Variants in CACNA1G observed in about 807,000 individuals in gnomAD.
CACNA1G encodes the protein calcium voltage-gated channel subunit alpha1 G.
In CACNA1G, 67 loss-of-function variants were observed where a neutral mutation model predicts 219.4. The ratio of observed to expected loss-of-function variants is 0.31; its 90% CI spans 0.25 to 0.37. CACNA1G has a LOEUF of 0.37. Ranked by LOEUF, CACNA1G falls within the 10% of genes least tolerant of loss-of-function variation. The pLI is 1.00. For synonymous variants in CACNA1G, 1,296 were observed against 1,345.3 expected (o/e 0.96, Z 0.80); for missense variants, 2,380 against 3,231.4 (o/e 0.74, Z 6.39).
rs530856188 is a variant in CACNA1G, at chr17:50,596,018, G to C, written c.2980-544G>C. On this transcript the variant is annotated intron_variant, in intron 14 of 37. Transcript: ENST00000359106. This position sits in a 1 kb window ranked among gnomAD's most constrained non-coding sequence, Gnocchi z 4.8. Reference sequence around the variant, plus strand: ...AGGTAAAAATGGGGCCAGGGAGGGGGCCGGGACTTGGGGAAGATGAAGGGA... The same window carrying C: ...AGGTAAAAATGGGGCCAGGGAGGGGCCCGGGACTTGGGGAAGATGAAGGGA... Among the ~76,000 whole-genome samples, 155 of 152,328 alleles carry C rather than the reference G, an allele frequency of 1.0e-3. No homozygotes were observed. Among genetic ancestry groups the C allele is most frequent in the African/African-American group, 3.4e-3 (141 of 41,558 alleles).
chr17:50,626,963 A>G lies in CACNA1G; in HGVS notation c.*212A>G. On this transcript the variant is annotated 3_prime_UTR_variant, in exon 38 of 38. Transcript: ENST00000359106. This position sits in a 1 kb window ranked among gnomAD's most constrained non-coding sequence, Gnocchi z 4.3. Reference sequence around the variant, plus strand: ...CAACTCTGGCTCCAGGCAGAAGGAGAGGCCCGGTGCAGCTGAGGTTCCCGA... The same window carrying G: ...CAACTCTGGCTCCAGGCAGAAGGAGGGGCCCGGTGCAGCTGAGGTTCCCGA... 4.2e-6 allele frequency: 3 copies of G among 706,766 alleles called. No homozygotes were observed. Among genetic ancestry groups the G allele is most frequent in the African/African-American group, 1.7e-5 (1 of 57,388 alleles). The allele number at this position is 706,766 out of a possible 1,614,324, so 43.8% of individuals were successfully genotyped here.
intron 36 of CACNA1G, 36 bp from the exon 37 acceptor site, chr17:50,624,324 T>TCCCCCCCCCCCCCCCCCCCCTTCCCC: frequency 1.7e-6 from 2 of 1,177,654 alleles, no homozygotes; most frequent in Admixed American, 2.1e-5. Context: ...CTCCATTCTC[T>TCCCCCCCCCCCCCCCCCCCCTTCCCC]CCCCCCACCC....
intron 19 of CACNA1G, among the ~76,000 whole-genome samples, chr17:50,601,451 C>T (rs943442382): frequency 1.3e-5 from 2 of 152,144 alleles, no homozygotes; most frequent in African/African-American, 4.8e-5. Context: ...GTGGGGCACA[C>T]GCGTGAGTCG....
chr17:50,624,474 C>A lies in CACNA1G; in HGVS notation c.6344C>A (p.Pro2115His). 6.2e-7 allele frequency: 1 copy of A among 1,600,996 alleles called. No homozygotes were observed. Among genetic ancestry groups the A allele is most frequent in the East Asian group, 2.3e-5 (1 of 44,148 alleles). The change falls in exon 37 of 38, where the codon CCC becomes CAC. Residue 2115 changes from proline to histidine, a missense_variant. Transcript: ENST00000359106. The part of the protein sequence containing the change: ...PHSAPTWGTI[P>H]KLPPPGRSPL... ...AGCGCCCCAACCTGGGGCACCATCCCCAAACTGCCCCCACCAGGACGCTCC... is the reference window on the plus strand; with the variant it reads ...AGCGCCCCAACCTGGGGCACCATCCACAAACTGCCCCCACCAGGACGCTCC...
rs531476875 is a variant in CACNA1G at position 50,567,624 on chromosome 17, C to T, written c.243-1246C>T. On this transcript the variant is annotated intron_variant, in intron 1 of 37. Coordinates refer to ENST00000359106, the MANE Select transcript of CACNA1G (RefSeq NM_018896.5). ...CATGCCAGGAGCTGCCACAATACCTCCCCCATCCCCATTCCCCAGGGGGTC... is the reference window on the plus strand; with the variant it reads ...CATGCCAGGAGCTGCCACAATACCTTCCCCATCCCCATTCCCCAGGGGGTC... Among the ~76,000 whole-genome samples, 96 of 152,246 alleles carry T rather than the reference C, an allele frequency of 6.3e-4. 1 individual carries two copies. Among genetic ancestry groups the T allele is most frequent in the African/African-American group, 2.2e-3 (90 of 41,544 alleles).
rs117564503 is a variant in CACNA1G at position 50,584,104 on chromosome 17, G to A, written c.2301+5540G>A. On this transcript the variant is annotated intron_variant, in intron 9 of 37. Transcript: ENST00000359106. The stretch of plus-strand genomic sequence containing the variant: ...CACCCGGGAAGGAGCAGGTTTGGGA[G>A]AGGAGGCGAGAGGGTTTGTTTTGGA... Among the ~76,000 whole-genome samples, 815 of 152,302 alleles carry A rather than the reference G, an allele frequency of 5.4e-3. 4 individuals carry two copies. The highest frequency in any genetic ancestry group is 0.027 in the Middle Eastern group (8 of 294).
intron 24 of CACNA1G, 180 bp downstream of exon 24, chr17:50,607,169 C>T (rs183723699): frequency 1.5e-6 from 1 of 665,486 alleles, no homozygotes; most frequent in Admixed American, 2.1e-5. Flanking sequence ...TGGTCTACAA[C>T]ATGTTTAACA....
At chr17:50,587,596 C>T (rs565070711) in intron 9 of CACNA1G, among the ~76,000 whole-genome samples, 21 of 152,306 alleles carry the variant, frequency 1.4e-4, no homozygotes, top group African/African-American at 4.3e-4. Flanking sequence ...GAGGGAATAC[C>T]GGGGCCCTGG....
chr17:50,600,698 T>C lies in CACNA1G; in HGVS notation c.3691-28T>C, dbSNP rs1160694511. The stretch of plus-strand genomic sequence containing the variant: ...GCCGGGGAACCTGGAGGCCTGGTCC[T>C]GCTCATACTCCAGTGTTTGTTCTGC... On this transcript the variant is annotated intron_variant, in intron 17 of 37. Transcript: ENST00000359106. The surrounding 1 kb of genome is among the most constrained non-coding windows in gnomAD (Gnocchi z 4.1). 6.2e-7 allele frequency: 1 copy of C among 1,601,530 alleles called. No individual in the cohort carries two copies. Among genetic ancestry groups the C allele is most frequent in the African/African-American group, 1.3e-5 (1 of 74,630 alleles).
intron 36 of CACNA1G, 36 bp from the exon 37 acceptor site, chr17:50,624,324 T>TCCCCCCCCCCCCCCCCCCCCTCC: frequency 8.5e-7 from 1 of 1,177,662 alleles, no homozygotes; most frequent in African/African-American, 1.6e-5. Flanking sequence ...CTCCATTCTC[T>TCCCCCCCCCCCCCCCCCCCCTCC]CCCCCCACCC....
chr17:50,565,383 G>GAA (rs72310815), intron 1 of CACNA1G, among the ~76,000 whole-genome samples: 1 of 75,668 alleles, frequency 1.3e-5, no homozygotes, highest in Non-Finnish European at 3.3e-5. Flanking sequence ...CTTGTGGGGT[G>GAA]GGGCGGGGGG....
At chr17:50,624,181 A>G (rs1483946143) in intron 36 of CACNA1G, 106 bp downstream of exon 36, 18 of 1,409,862 alleles carry the variant, frequency 1.3e-5, no homozygotes, top group Middle Eastern at 2.3e-4. Flanking sequence ...CCAAAGAGGT[A>G]TCTCTGACCT....
At position 50,571,763 on chromosome 17, in the gene CACNA1G, G is replaced by A. The variant is rs781598612; in HGVS notation, c.587-115G>A. On this transcript the variant is annotated intron_variant, in intron 4 of 37. Coordinates refer to ENST00000359106, the MANE Select transcript of CACNA1G (RefSeq NM_018896.5). This position sits in a 1 kb window ranked among gnomAD's most constrained non-coding sequence, Gnocchi z 4.3. Reference sequence around the variant, plus strand: ...GTTGGTCTCCCCTCCAGCTTGAGCCGGGCCGTCTCAGCCTCAGAGTCCCTG... The same window carrying A: ...GTTGGTCTCCCCTCCAGCTTGAGCCAGGCCGTCTCAGCCTCAGAGTCCCTG... 34 of 1,019,808 alleles carry A rather than the reference G, an allele frequency of 3.3e-5. No homozygotes were observed. The highest frequency in any genetic ancestry group is 6.1e-5 in the Admixed American group (3 of 49,470). The allele number at this position is 1,019,808 out of a possible 1,614,324, so 63.2% of individuals were successfully genotyped here.
At position 50,617,931 on chromosome 17, in the gene CACNA1G, T is replaced by C; in HGVS notation, c.5226+2T>C. On this transcript the variant is annotated splice_donor_variant, in intron 30 of 37. Coordinates refer to ENST00000359106, the MANE Select transcript of CACNA1G (RefSeq NM_018896.5). LOFTEE classifies it high-confidence loss of function. The surrounding 1 kb of genome is among the most constrained non-coding windows in gnomAD (Gnocchi z 5.8). ...ACGGTGATGCAGGCCCTGCCCCAGG[T>C]AGCCGGGAGGTGGGGGGCCTCTGGG... 2 of 1,613,552 alleles carry C rather than the reference T, an allele frequency of 1.2e-6. No homozygotes were observed. The highest frequency in any genetic ancestry group is 1.7e-6 in the Non-Finnish European group (2 of 1,179,770).
intron 36 of CACNA1G, 63 bp downstream of exon 36, chr17:50,624,138 G>A (rs2052995913): frequency 3.1e-5 from 49 of 1,562,868 alleles, no homozygotes; most frequent in Non-Finnish European, 8.7e-6. Flanking sequence ...GCCTAAGCCA[G>A]TCCTGATCTG....
chr17:50,594,177 C>T (rs1374131824), intron 13 of CACNA1G, among the ~76,000 whole-genome samples: 2 of 152,212 alleles, frequency 1.3e-5, no homozygotes, highest in Non-Finnish European at 2.9e-5. Flanking sequence ...ACACAGCCTG[C>T]TTGGCTGGTG....
chr17:50,580,190 G>A (rs532090845), intron 9 of CACNA1G, among the ~76,000 whole-genome samples: 1 of 152,290 alleles, frequency 6.6e-6, no homozygotes, highest in South Asian at 2.1e-4. Context: ...GGCTACGTGG[G>A]TGTGGGTGTG....
chr17:50,565,228 C>G (rs2037382964), intron 1 of CACNA1G, among the ~76,000 whole-genome samples: 1 of 152,208 alleles, frequency 6.6e-6, no homozygotes, highest in Admixed American at 6.5e-5. Context: ...GGCCGTCTCT[C>G]TTGTGTCTCT....
In CACNA1G at chr17:50,578,065, G is replaced by A. The variant is rs2041109062; in HGVS notation, c.1925-123G>A. ...ACATTCAGCACCCCTGGCCCACTAAGTGCCTAGCACCCCATCACTGTAACA... is the reference window on the plus strand; with the variant it reads ...ACATTCAGCACCCCTGGCCCACTAAATGCCTAGCACCCCATCACTGTAACA... On this transcript the variant is annotated intron_variant, in intron 8 of 37. Transcript: ENST00000359106. The surrounding 1 kb of genome is among the most constrained non-coding windows in gnomAD (Gnocchi z 4.5). The A allele has an allele frequency of 8.3e-7, 1 of 1,199,632 alleles. No individual in the cohort carries two copies. The highest frequency in any genetic ancestry group is 2.5e-5 in the East Asian group (1 of 39,998). The allele number at this position is 1,199,632 out of a possible 1,614,324, so 74.3% of individuals were successfully genotyped here. A position where few individuals can be genotyped will look rare whatever the true frequency, so the allele number is the denominator to read the frequency against.
Sources: allele counts gnomAD v4.1 joint callset (sites outside exome capture counted in the v4.1 genomes callset), GRCh38; gene constraint gnomAD v4.1.1; non-coding constraint Gnocchi (gnomAD v3.1); transcripts MANE v1.5; gene names NCBI Gene and HGNC (gene_info 2026-07-23, HGNC 2026-07-21).